CHD4: variants seen among roughly 807,000 people sequenced by gnomAD.
The protein encoded by CHD4 is ATP-dependent chromatin remodeler CHD4.
A neutral mutation model predicts 235.5 loss-of-function variants in CHD4; 35 were observed. The ratio of observed to expected loss-of-function variants is 0.15; its 90% CI spans 0.11 to 0.20. The LOEUF is 0.20. Ranked by LOEUF, CHD4 falls within the 10% of genes least tolerant of loss-of-function variation. CHD4 has a pLI of 1.00. For synonymous variants in CHD4, 900 were observed against 850.2 expected (o/e 1.06, Z -1.02); for missense variants, 1,329 against 2,432.3 (o/e 0.55, Z 9.54).
At chr12:6,591,009 G>C (rs1948385511) in intron 22 of CHD4, among the ~76,000 whole-genome samples, 1 of 151,466 alleles carries the variant, frequency 6.6e-6, no homozygotes, top group Non-Finnish European at 1.5e-5. Context: ...TGTTGTCCCA[G>C]CTACTTGGGA....
intron 2 of CHD4, 73 bp downstream of exon 2, chr12:6,606,201 C>A: frequency 2.0e-6 from 2 of 1,019,522 alleles, no homozygotes; most frequent in Non-Finnish European, 2.9e-6. Context: ...CACAGCCCTG[C>A]CTCACCAGAG....
chr12:6,573,062 G>A lies in CHD4; in HGVS notation c.5557+12C>T. 1 of 1,592,034 alleles carries A rather than the reference G, an allele frequency of 6.3e-7. No homozygotes were observed. The highest frequency in any genetic ancestry group is 1.9e-4 in the Middle Eastern group (1 of 5,214). ...GGCCGAATCGGCAGGAGGCAGGGGA[G>A]CCACTGGCTACCTTTGTGCAGGACT... On this transcript the variant is annotated intron_variant, in intron 38 of 39. Transcript: ENST00000544040.
In CHD4 at chr12:6,595,372, G is replaced by C; in HGVS notation, c.2083C>G (p.Arg695Gly). 6.2e-7 allele frequency: 1 copy of C among 1,613,998 alleles called. No homozygotes were observed. The highest frequency in any genetic ancestry group is 8.5e-7 in the Non-Finnish European group (1 of 1,179,960). The change falls in exon 14 of 40, where the codon CGG becomes GGG. Residue 695 changes from arginine to glycine, a missense_variant. Around this residue, in one of 26 missense-constraint regions of CHD4, gnomAD observed 121 missense variants for 177.8 expected, o/e 0.68. Transcript: ENST00000544040. ...GTTTCTGGAGGCCTCTCCAACTTCC[G>C]AAGCTTCACCTTCTTGAGCTTCTTG... Reference protein sequence around the residue: ...PGKKLKKVKLRKLERPPETPT... With the variant: ...PGKKLKKVKLGKLERPPETPT...
At chr12:6,589,940 T>A (rs1298276614) in intron 22 of CHD4, 1 of 152,080 alleles carries the variant, frequency 6.6e-6, no homozygotes, top group Non-Finnish European at 1.5e-5. Context: ...GGCTCACACC[T>A]GTAATCCCAG....
At position 6,578,490 on chromosome 12, in the gene CHD4, G is replaced by T. The variant is rs1592261387; in HGVS notation, c.5038C>A (p.Pro1680Thr). The T allele has an allele frequency of 6.2e-7, 1 of 1,613,668 alleles. No individual in the cohort carries two copies. Among genetic ancestry groups the T allele is most frequent in the Non-Finnish European group, 8.5e-7 (1 of 1,179,950 alleles). Residue 1680 changes from proline to threonine, a missense_variant, in exon 35 of 40, where the codon CCC becomes ACC. Coordinates refer to ENST00000544040, the MANE Select transcript of CHD4 (RefSeq NM_001273.5). ...KEVMLQNGET[P>T]KDLNDEKQKK... ...TGTTTCTCATCATTCAGGTCCTTGGGGGTCTCTCCATTCTGAAGCATCACC... is the reference window on the plus strand; with the variant it reads ...TGTTTCTCATCATTCAGGTCCTTGGTGGTCTCTCCATTCTGAAGCATCACC...
rs1329450548 is a variant in CHD4, at chr12:6,600,221, T to C, written c.1238A>G (p.His413Arg). ...CCACAATGGCCAGACACTCACGCAG[T>C]GTGGGCAGCTCCACTTGCCCTCGGG... Reference protein sequence around the residue: ...KAPEGKWSCPHCEKEGIQWEA... With the variant: ...KAPEGKWSCPRCEKEGIQWEA... Residue 413 changes from histidine (H) to arginine (R), a missense_variant, in exon 9 of 40, where the codon CAC becomes CGC. Physicochemically the swap from His to Arg is conservative, Grantham distance 29 (BLOSUM62 0). Transcript: ENST00000544040. 3.7e-6 allele frequency: 6 copies of C among 1,614,062 alleles called. No individual in the cohort carries two copies. The highest frequency in any genetic ancestry group is 2.2e-5 in the South Asian group (2 of 91,076).
rs117774291 is a variant in CHD4 at position 6,587,261 on chromosome 12, T to G, written c.3879+123A>C. 2.9e-3 allele frequency: 2,623 copies of G among 907,758 alleles called. 22 individuals are homozygous for G. In the Middle Eastern group the frequency reaches 0.043, roughly 15 times the overall value. 56.2% of individuals were successfully genotyped at this position (907,758 alleles called of 1,614,324 possible). A position where few individuals can be genotyped will look rare whatever the true frequency, so the allele number is the denominator to read the frequency against. ...CAGCTTTGTTTTCAAAGGAAGAGGATCAATTCATCAACATAAGAATTTGCC... is the reference window on the plus strand; with the variant it reads ...CAGCTTTGTTTTCAAAGGAAGAGGAGCAATTCATCAACATAAGAATTTGCC... On this transcript the variant is annotated intron_variant, in intron 25 of 39. Coordinates refer to ENST00000544040, the MANE Select transcript of CHD4 (RefSeq NM_001273.5).
At chr12:6,579,334 C>T (rs1312116615) in intron 33 of CHD4, 2 of 231,698 alleles carry the variant, frequency 8.6e-6, no homozygotes, top group Admixed American at 5.3e-5. Flanking sequence ...CCTGTAATCC[C>T]AGCACTATGG....
intron 37 of CHD4, among the ~76,000 whole-genome samples, chr12:6,575,725 C>A (rs941541447): frequency 6.6e-6 from 1 of 152,118 alleles, no homozygotes. Context: ...TGCCCATTAA[C>A]GATAGCGTAA....
At chr12:6,582,085 G>A (rs1489410084) in intron 30 of CHD4, 52 bp downstream of exon 30, 4 of 1,503,772 alleles carry the variant, frequency 2.7e-6, no homozygotes, top group African/African-American at 1.4e-5. Context: ...TTACAGGTGT[G>A]AGCCACTGCG....
Position 6,600,018 on chromosome 12 carries a change from G to A in CHD4, c.1243-6C>T, listed in dbSNP as rs1347978711. 7 of 1,613,834 alleles carry A rather than the reference G, an allele frequency of 4.3e-6. No homozygotes were observed. The Admixed American group carries it at 8.3e-5, about 19-fold the overall frequency. On this transcript the variant is annotated splice_polypyrimidine_tract_variant and splice_region_variant and intron_variant, in intron 9 of 39. Transcript: ENST00000544040. Reference sequence around the variant, plus strand: ...CACTGGATGCCTTCCTTCTCCTGCAGTAAAGGACCACAGATTCAGATTATT... The same window carrying A: ...CACTGGATGCCTTCCTTCTCCTGCAATAAAGGACCACAGATTCAGATTATT...
intron 22 of CHD4, 112 bp from the exon 23 acceptor site, chr12:6,588,534 T>C: frequency 1.7e-6 from 2 of 1,204,694 alleles, no homozygotes; most frequent in Non-Finnish European, 2.3e-6. Context: ...TCTCAGCACT[T>C]TGGGAGGCAG....
intron 10 of CHD4, 37 bp downstream of exon 10, chr12:6,599,736 T>C (rs752335499): frequency 3.1e-6 from 5 of 1,613,298 alleles, no homozygotes; most frequent in Non-Finnish European, 4.2e-6. Context: ...AGACTACACT[T>C]TCCCATTTTT....
chr12:6,579,782 C>T (rs1211838916), intron 33 of CHD4, among the ~76,000 whole-genome samples: 2 of 145,106 alleles, frequency 1.4e-5, no homozygotes, highest in African/African-American at 5.2e-5. Context: ...TTTGGCCAGG[C>T]GTGGTGGCTC....
intron 13 of CHD4, 104 bp downstream of exon 13, chr12:6,595,902 G>C: frequency 7.7e-7 from 1 of 1,293,126 alleles, no homozygotes; most frequent in Non-Finnish European, 1.0e-6. Context: ...AGGTTGCAGT[G>C]AGTCAAGATC....
intron 17 of CHD4, 105 bp from the exon 18 acceptor site, chr12:6,592,922 C>A: frequency 6.6e-7 from 1 of 1,516,858 alleles, no homozygotes. Flanking sequence ...GCATCCCACT[C>A]CTCACATTCT....
chr12:6,594,187 C>A (rs1047517058), intron 15 of CHD4, among the ~76,000 whole-genome samples: 2 of 152,158 alleles, frequency 1.3e-5, no homozygotes, highest in Admixed American at 1.3e-4. Context: ...AACACACAAT[C>A]ATTCCCCTAG....
chr12:6,600,046 C>G (rs1468683605), intron 9 of CHD4, 34 bp from the exon 10 acceptor site: 1 of 1,606,432 alleles, frequency 6.2e-7, no homozygotes. Flanking sequence ...AGATTATTAC[C>G]CCCACCCGCC....
intron 22 of CHD4, among the ~76,000 whole-genome samples, chr12:6,590,758 A>C (rs1948381103): frequency 6.6e-6 from 1 of 152,278 alleles, no homozygotes; most frequent in Non-Finnish European, 1.5e-5. Context: ...GGGTGTGTCC[A>C]GGCTGTAGTA....
Sources: gnomAD v4.1 joint callset for allele counts (sites outside exome capture counted in the v4.1 genomes callset) on GRCh38, gnomAD v4.1.1 for gene constraint, gnomAD v4.1.1 regional missense constraint, MANE v1.5 for transcripts, NCBI Gene and HGNC (gene_info 2026-07-23, HGNC 2026-07-21) for gene names.